The following ME3 variants were observed in gnomAD, a reference collection of about 807,000 sequenced individuals.
ME3 encodes the protein NADP-dependent malic enzyme, mitochondrial.
Under a neutral mutation model 68.9 loss-of-function variants are expected in ME3, and 48 were observed. The ratio of observed to expected loss-of-function variants is 0.70; its 90% confidence interval spans 0.55 to 0.89. The LOEUF (loss-of-function observed/expected upper bound fraction) is 0.89, where lower values mean the gene tolerates loss of function less well. ME3 is among the 40% of genes least tolerant of loss of function. The pLI, the probability that ME3 is intolerant of heterozygous loss-of-function variation, is 0.00. For synonymous variants in ME3, 320 were observed against 318.8 expected (o/e 1.00, Z -0.04); for missense variants, 675 against 797.4 (o/e 0.85, Z 1.85).
intron 2 of ME3, among the ~76,000 whole-genome samples, chr11:86,646,149 C>A (rs1419887122): frequency 6.6e-6 from 1 of 152,158 alleles, no homozygotes; most frequent in Non-Finnish European, 1.5e-5. Flanking sequence ...TTCTTCTCCT[C>A]AAAAAGATCA....
intron 4 of ME3, among the ~76,000 whole-genome samples, chr11:86,523,614 C>T (rs10501622): frequency 0.17 from 25,498 of 151,938 alleles, 2,333 homozygotes; most frequent in African/African-American, 0.24. Context: ...AGTTGAGTTC[C>T]AAGAGTTGAA....
At chr11:86,518,161 G>A (rs770255204) in intron 4 of ME3, among the ~76,000 whole-genome samples, 1 of 152,166 alleles carries the variant, frequency 6.6e-6, no homozygotes, top group Non-Finnish European at 1.5e-5. Flanking sequence ...TGTGAAGGCT[G>A]TCCCATCCTC....
intron 2 of ME3, among the ~76,000 whole-genome samples, chr11:86,598,009 A>T (rs1959827070): frequency 6.6e-6 from 1 of 152,168 alleles, no homozygotes; most frequent in South Asian, 2.1e-4. Context: ...TACAGCTCCC[A>T]GCATGAGCCA....
At chr11:86,660,966 A>G (rs1464502188) in intron 2 of ME3, among the ~76,000 whole-genome samples, 1 of 152,216 alleles carries the variant, frequency 6.6e-6, no homozygotes, top group Non-Finnish European at 1.5e-5. Context: ...TCTTTTCAAA[A>G]GAGCTGACAG....
rs1957823389 is a variant in ME3 at position 86,571,960 on chromosome 11, G to A, written c.184-12137C>T. Among the ~76,000 whole-genome samples, 6 of 152,324 alleles carry A rather than the reference G, an allele frequency of 3.9e-5. No homozygotes were observed. The South Asian group carries it at 1.2e-3, about 32-fold the overall frequency. Reference sequence around the variant, plus strand: ...GGAAGTTTAACGATGTGAGGCTAAGGGGAAACTTCAGAAGAGGCAGCACAA... The same window carrying A: ...GGAAGTTTAACGATGTGAGGCTAAGAGGAAACTTCAGAAGAGGCAGCACAA... On this transcript the variant is annotated intron_variant, in intron 2 of 14. Transcript: ENST00000543262.
chr11:86,484,809 G>C (rs578135559), intron 7 of ME3, among the ~76,000 whole-genome samples: 1 of 152,264 alleles, frequency 6.6e-6, no homozygotes, highest in South Asian at 2.1e-4. Context: ...AGTAGTCCTG[G>C]GTTCAGCTTG....
At chr11:86,659,995 A>G (rs763356364) in intron 2 of ME3, among the ~76,000 whole-genome samples, 6 of 152,202 alleles carry the variant, frequency 3.9e-5, no homozygotes, top group African/African-American at 1.2e-4. Flanking sequence ...GATATCCACT[A>G]TCTTCAACAC....
chr11:86,653,973 C>G (rs1175629190), intron 2 of ME3, among the ~76,000 whole-genome samples: 2 of 152,240 alleles, frequency 1.3e-5, no homozygotes, highest in African/African-American at 4.8e-5. Flanking sequence ...AACACCTCTA[C>G]ACAAATAAAC....
At chr11:86,603,398 G>A (rs1163596465) in intron 2 of ME3, among the ~76,000 whole-genome samples, 1 of 152,172 alleles carries the variant, frequency 6.6e-6, no homozygotes, top group East Asian at 1.9e-4. Context: ...ACCACAATGA[G>A]ATACCATCTC....
At chr11:86,518,186 G>A (rs544495582) in intron 4 of ME3, among the ~76,000 whole-genome samples, 5 of 152,144 alleles carry the variant, frequency 3.3e-5, no homozygotes, top group South Asian at 2.1e-4. Context: ...ATGCCATCTC[G>A]TTAATTGATT....
chr11:86,446,279 A>C (rs184094760), intron 13 of ME3, 35 bp downstream of exon 13: 1 of 1,610,172 alleles, frequency 6.2e-7, no homozygotes, highest in Non-Finnish European at 8.5e-7. Context: ...CACAGACCCT[A>C]CTGCAAGCAT....
intron 13 of ME3, 85 bp downstream of exon 13, chr11:86,446,229 A>T (rs1446263688): frequency 7.4e-6 from 11 of 1,476,660 alleles, no homozygotes; most frequent in Non-Finnish European, 1.0e-5. Flanking sequence ...AGATGGGCAG[A>T]AGAGATAAGA....
intron 8 of ME3, among the ~76,000 whole-genome samples, chr11:86,459,382 C>T (rs936881372): frequency 2.0e-5 from 3 of 152,124 alleles, no homozygotes; most frequent in African/African-American, 7.2e-5. Context: ...TTCCTTCTTC[C>T]CTCCCGTATC....
chr11:86,563,880 A>G (rs967628202), intron 2 of ME3, among the ~76,000 whole-genome samples: 23 of 152,104 alleles, frequency 1.5e-4, no homozygotes, highest in African/African-American at 4.8e-4. Flanking sequence ...GTCAGGTAGT[A>G]TGATGCTTCC....
intron 4 of ME3, among the ~76,000 whole-genome samples, chr11:86,552,294 G>A (rs927112358): frequency 5.3e-5 from 8 of 152,166 alleles, no homozygotes; most frequent in African/African-American, 1.4e-4. Flanking sequence ...TTCAAAGTCC[G>A]TGCTGCTTCT....
chr11:86,497,093 C>T (rs1749760993), intron 6 of ME3, among the ~76,000 whole-genome samples: 1 of 152,112 alleles, frequency 6.6e-6, no homozygotes, highest in African/African-American at 2.4e-5. Flanking sequence ...CTGGGATTCT[C>T]CTGTCTCAGC....
chr11:86,471,351 G>T (rs1950775958), intron 7 of ME3, among the ~76,000 whole-genome samples: 1 of 151,862 alleles, frequency 6.6e-6, no homozygotes, highest in Admixed American at 6.6e-5. Context: ...GGCCAGGATG[G>T]TCTTGATTTC....
intron 4 of ME3, among the ~76,000 whole-genome samples, chr11:86,542,233 C>T (rs1039246023): frequency 6.6e-6 from 1 of 152,052 alleles, no homozygotes; most frequent in Non-Finnish European, 1.5e-5. Context: ...TTCCAAAAAC[C>T]AGAATGCCTC....
chr11:86,489,215 A>G (rs913466523), intron 6 of ME3: 2 of 152,062 alleles, frequency 1.3e-5, no homozygotes, highest in Admixed American at 6.6e-5. Flanking sequence ...GTGGGCCTAC[A>G]CTCCGACCCT....
Sources: gnomAD v4.1 joint callset for allele counts (sites outside exome capture counted in the v4.1 genomes callset) on GRCh38, gnomAD v4.1.1 for gene constraint, MANE v1.5 for transcripts, NCBI Gene and HGNC (gene_info 2026-07-23, HGNC 2026-07-21) for gene names.